RAF1: variants seen among roughly 807,000 people sequenced by gnomAD.
RAF1 encodes Raf-1 proto-oncogene, serine/threonine kinase.
In RAF1, 27 loss-of-function variants were observed where a neutral mutation model predicts 81.1. That is an observed-to-expected ratio of 0.33 (90% CI 0.25 to 0.46). The LOEUF (loss-of-function observed/expected upper bound fraction) is 0.46, where lower values mean the gene tolerates loss of function less well. Ranked by LOEUF, RAF1 falls within the 20% of genes least tolerant of loss-of-function variation. The pLI is 1.00. For synonymous variants in RAF1, 298 were observed against 294.0 expected (o/e 1.01, Z -0.14); for missense variants, 598 against 826.0 (o/e 0.72, Z 3.38).
At chr3:12,616,274 A>C (rs902876064) in intron 2 of RAF1, among the ~76,000 whole-genome samples, 5 of 152,214 alleles carry the variant, frequency 3.3e-5, no homozygotes, top group African/African-American at 1.2e-4. Context: ...TAAGTTTCCC[A>C]GCCTTCTGGG....
chr3:12,632,279 G>A (rs1055593911), intron 1 of RAF1, among the ~76,000 whole-genome samples: 3 of 142,484 alleles, frequency 2.1e-5, no homozygotes, highest in African/African-American at 7.9e-5. Context: ...AGCCGAGATT[G>A]CACCGTTGCA....
Position 12,604,150 on chromosome 3 carries a change from T to G in RAF1, c.820A>C (p.Ser274Arg), listed in dbSNP as rs111313099. 6.2e-7 allele frequency: 1 copy of G among 1,614,068 alleles called. No individual in the cohort carries two copies. Among genetic ancestry groups the G allele is most frequent in the Non-Finnish European group, 8.5e-7 (1 of 1,180,032 alleles). The change falls in exon 7 of 18, where the codon AGC becomes CGC. Residue 274 changes from serine to arginine, a missense_variant. By Grantham distance (110) the Ser-to-Arg change is moderately radical (BLOSUM62 -1). Coordinates refer to ENST00000442415, the MANE Select transcript of RAF1 (RefSeq NM_001354689.3). The stretch of plus-strand genomic sequence containing the variant: ...TGCCCTATTACCTCAATCATCCTGC[T>G]GTCCACAGGCAGGGTGGTGCTGACC...
chr3:12,617,190 G>A (rs559734258), intron 2 of RAF1, among the ~76,000 whole-genome samples: 6 of 152,294 alleles, frequency 3.9e-5, no homozygotes, highest in African/African-American at 1.4e-4. Context: ...CTGGCCCACT[G>A]CAACCTCTGC....
intron 1 of RAF1, 63 bp from the exon 2 acceptor site, chr3:12,618,810 C>T: frequency 8.0e-7 from 1 of 1,249,704 alleles, no homozygotes; most frequent in Admixed American, 1.9e-5. Flanking sequence ...GAACACAATA[C>T]ATAAAGAGTA....
intron 1 of RAF1, among the ~76,000 whole-genome samples, chr3:12,657,227 T>C (rs972026899): frequency 4.6e-5 from 7 of 152,258 alleles, no homozygotes; most frequent in Admixed American, 3.9e-4. Flanking sequence ...CTTAGTCTGG[T>C]AGCCAGGGAG....
intron 14 of RAF1, among the ~76,000 whole-genome samples, chr3:12,586,270 C>G (rs867966421): frequency 6.6e-6 from 1 of 152,182 alleles, no homozygotes; most frequent in African/African-American, 2.4e-5. Context: ...TAGCAAATCC[C>G]TTACTGAGTG....
At chr3:12,601,304 T>G (rs1228739530) in intron 8 of RAF1, among the ~76,000 whole-genome samples, 1 of 152,202 alleles carries the variant, frequency 6.6e-6, no homozygotes, top group African/African-American at 2.4e-5. Context: ...CATATATGGA[T>G]CTCAGCCCTC....
At position 12,620,170 on chromosome 3, in the gene RAF1, T is replaced by G. The variant is rs1409441259; in HGVS notation, c.-26-1423A>C. On this transcript the variant is annotated intron_variant, in intron 1 of 17. Coordinates refer to ENST00000442415, the MANE Select transcript of RAF1 (RefSeq NM_001354689.3). ...TCTTTTCTTTTCTTTTGAGACAGAGTCTCACTCTATTGCCAGGCTGGAGTG... is the reference window on the plus strand; with the variant it reads ...TCTTTTCTTTTCTTTTGAGACAGAGGCTCACTCTATTGCCAGGCTGGAGTG... Among the ~76,000 whole-genome samples, 3 of 152,192 alleles carry G rather than the reference T, an allele frequency of 2.0e-5. No homozygotes were observed. The East Asian group carries it at 5.8e-4, about 29-fold the overall frequency.
intron 12 of RAF1, 94 bp downstream of exon 11, chr3:12,591,614 C>G (rs776351652): frequency 8.9e-7 from 1 of 1,126,624 alleles, no homozygotes; most frequent in Non-Finnish European, 1.3e-6. Flanking sequence ...ACTGCCTGCC[C>G]GTCCCAACCT....
intron 5 of RAF1, among the ~76,000 whole-genome samples, chr3:12,608,075 A>C (rs2059097615): frequency 6.6e-6 from 1 of 151,998 alleles, no homozygotes; most frequent in Non-Finnish European, 1.5e-5. Context: ...GAAAGCAAAA[A>C]CATTTTCATC....
chr3:12,600,046 T>C, intron 10 of RAF1, 106 bp downstream of exon 9: 1 of 1,518,454 alleles, frequency 6.6e-7, no homozygotes, highest in Non-Finnish European at 9.1e-7. Context: ...TCATTGAATG[T>C]ATTTTATTAG....
chr3:12,609,809 T>C (rs2059154800), intron 3 of RAF1, among the ~76,000 whole-genome samples: 1 of 152,140 alleles, frequency 6.6e-6, no homozygotes. Context: ...AACAATGATA[T>C]ATAAAATCTC....
At chr3:12,606,043 C>A (rs1370251409) in intron 6 of RAF1, among the ~76,000 whole-genome samples, 158 bp downstream of exon 6, 1 of 94,152 alleles carries the variant, frequency 1.1e-5, no homozygotes, top group African/African-American at 5.1e-5. Flanking sequence ...GAAATTTCTA[C>A]CTTTTCTGTA....
chr3:12,584,136 T>C lies in RAF1; in HGVS notation c.*378A>G, dbSNP rs926124509. 3.0e-6 allele frequency: 1 copy of C among 336,330 alleles called. No homozygotes were observed. Among genetic ancestry groups the C allele is most frequent in the Admixed American group, 4.3e-5 (1 of 23,096 alleles). The allele number at this position is 336,330 out of a possible 1,614,324, so 20.8% of individuals were successfully genotyped here. ...AGAAGCTGATTTCCAAAATCCCATGTGTCTCCACATCAGGGCTGGACTGCC... is the reference window on the plus strand; with the variant it reads ...AGAAGCTGATTTCCAAAATCCCATGCGTCTCCACATCAGGGCTGGACTGCC... On this transcript the variant is annotated 3_prime_UTR_variant, in exon 18 of 18. Transcript: ENST00000442415.
In RAF1 at chr3:12,584,347, T is replaced by C. The variant is rs763229187; in HGVS notation, c.*167A>G. 4.2e-4 allele frequency: 345 copies of C among 822,330 alleles called. No homozygotes were observed. The highest frequency in any genetic ancestry group is 5.6e-4 in the Admixed American group (25 of 44,640). 50.9% of individuals were successfully genotyped at this position (822,330 alleles called of 1,614,324 possible). A position where few individuals can be genotyped will look rare whatever the true frequency, so the allele number is the denominator to read the frequency against. On this transcript the variant is annotated 3_prime_UTR_variant, in exon 18 of 18. Coordinates refer to ENST00000442415, the MANE Select transcript of RAF1 (RefSeq NM_001354689.3). ...TTCCTTCTCCCAGGGCCCAAAGGGA[T>C]AGAAAAGAAGGCAACATGAAGTTAA...
intron 1 of RAF1, among the ~76,000 whole-genome samples, chr3:12,642,780 G>C (rs902719641): frequency 6.6e-6 from 1 of 151,656 alleles, no homozygotes; most frequent in South Asian, 2.1e-4. Context: ...GGGCCAGGGG[G>C]TGGGAGGCTG....
intron 1 of RAF1, among the ~76,000 whole-genome samples, chr3:12,656,047 A>G (rs922243718): frequency 1.3e-5 from 2 of 150,330 alleles, no homozygotes; most frequent in Non-Finnish European, 2.9e-5. Flanking sequence ...TGGATTGTAG[A>G]TACACACACA....
intron 1 of RAF1, among the ~76,000 whole-genome samples, chr3:12,655,008 C>A (rs561187934): frequency 7.4e-5 from 11 of 149,398 alleles, no homozygotes; most frequent in African/African-American, 2.4e-4. Flanking sequence ...AGACCCCCCC[C>A]CCGCCATCTC....
In RAF1 at chr3:12,585,720, A is replaced by G. The variant is rs2125325842; in HGVS notation, c.1557T>C (p.Ser519=). 6.2e-7 allele frequency: 1 copy of G among 1,614,216 alleles called. No homozygotes were observed. The highest frequency in any genetic ancestry group is 1.3e-5 in the African/African-American group (1 of 75,074). The change falls in exon 15 of 18, where the codon TCT becomes TCC. Residue 519 remains serine (S), a synonymous_variant. Coordinates refer to ENST00000442415, the MANE Select transcript of RAF1 (RefSeq NM_001354689.3). ...AGCCAGTAGGTTGTTCAACCTGCTG[A>G]GAACCACTCCAGCGTGACTTTACTG...
Sources: allele counts gnomAD v4.1 joint callset (sites outside exome capture counted in the v4.1 genomes callset), GRCh38; gene constraint gnomAD v4.1.1; transcripts MANE v1.5; gene names NCBI Gene and HGNC (gene_info 2026-07-23, HGNC 2026-07-21).